Variants in AHR observed in about 807,000 individuals in gnomAD.
AHR encodes the protein aryl hydrocarbon receptor.
Under a neutral mutation model 86.8 loss-of-function variants are expected in AHR, and 40 were observed. The observed-to-expected ratio is 0.46, with a 90% CI of 0.36 to 0.60. The LOEUF (loss-of-function observed/expected upper bound fraction) is 0.60, where lower values mean the gene tolerates loss of function less well. AHR is among the 20% of genes least tolerant of loss of function. The probability of loss-of-function intolerance (pLI) is 0.00; values close to 1 mark genes in which losing one functional copy is unlikely to be tolerated. For synonymous variants in AHR, 398 were observed against 354.9 expected, an observed-to-expected ratio of 1.12 and a Z score of -1.37; for missense variants, 1,001 against 1,011.6, an observed-to-expected ratio of 0.99 and a Z score of 0.14.
Position 17,340,285 on chromosome 7 carries a change from C to A in AHR, c.2403+57C>A. 3 of 1,507,982 alleles carry A rather than the reference C, an allele frequency of 2.0e-6. No homozygotes were observed. In the East Asian group the frequency reaches 6.9e-5, roughly 35 times the overall value. 93.4% of individuals were successfully genotyped at this position (1,507,982 alleles called of 1,614,324 possible). A position where few individuals can be genotyped will look rare whatever the true frequency, so the allele number is the denominator to read the frequency against. On this transcript the variant is annotated intron_variant, in intron 10 of 10. Coordinates refer to ENST00000242057, the MANE Select transcript of AHR (RefSeq NM_001621.5). The stretch of plus-strand genomic sequence containing the variant: ...TCAGTGATTCTTTTTACCTTATAGA[C>A]ATGTTACACATTTTTTATGTCAGCT...
intron 9 of AHR, 41 bp downstream of exon 9, chr7:17,335,827 T>A: frequency 6.3e-7 from 1 of 1,577,668 alleles, no homozygotes; most frequent in South Asian, 1.2e-5. Flanking sequence ...AGTTTTGTTT[T>A]CATAAGTCCT....
chr7:17,325,709 C>T (rs1782221513), intron 3 of AHR, among the ~76,000 whole-genome samples: 1 of 152,100 alleles, frequency 6.6e-6, no homozygotes, highest in South Asian at 2.1e-4. Flanking sequence ...AACCAAATAC[C>T]ACATGTTCTC....
At chr7:17,313,045 T>TCC in intron 2 of AHR, among the ~76,000 whole-genome samples, 1 of 152,166 alleles carries the variant, frequency 6.6e-6, no homozygotes, top group Non-Finnish European at 1.5e-5. Context: ...TTTGCTTGTG[T>TCC]TATAGTGGTG....
In AHR at chr7:17,318,475, T is replaced by A. The variant is rs140860934; in HGVS notation, c.254-4026T>A. 4.7e-4 allele frequency among the ~76,000 whole-genome samples: 71 copies of A among 152,254 alleles called. 2 individuals carry two copies. Among genetic ancestry groups the A allele is most frequent in the Admixed American group, 2.2e-3 (34 of 15,264 alleles). On this transcript the variant is annotated intron_variant, in intron 2 of 10. Transcript: ENST00000242057. Reference sequence around the variant, plus strand: ...TTGTATTGTACGACTCCTTCATAGATCTTTCAATGAGGAAATAGTGGAAAT... The same window carrying A: ...TTGTATTGTACGACTCCTTCATAGAACTTTCAATGAGGAAATAGTGGAAAT...
chr7:17,317,487 C>T (rs951662381), intron 2 of AHR, among the ~76,000 whole-genome samples: 15 of 152,084 alleles, frequency 9.9e-5, no homozygotes, highest in East Asian at 7.7e-4. Flanking sequence ...TATTATTTCC[C>T]GAAGAAGTTC....
intron 4 of AHR, among the ~76,000 whole-genome samples, chr7:17,329,207 A>T (rs532095829): frequency 2.0e-5 from 3 of 152,106 alleles, no homozygotes; most frequent in African/African-American, 7.2e-5. Flanking sequence ...ACAGTGGATC[A>T]CTATCAAACT....
At chr7:17,337,791 A>G (rs931974852) in intron 9 of AHR, among the ~76,000 whole-genome samples, 1 of 151,726 alleles carries the variant, frequency 6.6e-6, no homozygotes, top group Non-Finnish European at 1.5e-5. Flanking sequence ...ACGTTTTTCT[A>G]TGACATTTTT....
intron 6 of AHR, 25 bp downstream of exon 6, chr7:17,330,911 T>C (rs1782281624): frequency 1.9e-6 from 3 of 1,605,004 alleles, no homozygotes; most frequent in African/African-American, 2.7e-5. Context: ...TTTATGATAC[T>C]GGCTTTTACT....
rs1422578986 is a variant in AHR at position 17,345,472 on chromosome 7, A to G, written c.*2408A>G. 2 of 152,690 alleles carry G rather than the reference A, an allele frequency of 1.3e-5. No individual in the cohort carries two copies. The highest frequency in any genetic ancestry group is 2.4e-5 in the African/African-American group (1 of 41,446). The allele number at this position is 152,690 out of a possible 1,614,324, so 9.5% of individuals were successfully genotyped here. On this transcript the variant is annotated 3_prime_UTR_variant, in exon 11 of 11. Coordinates refer to ENST00000242057, the MANE Select transcript of AHR (RefSeq NM_001621.5). ...AAGTGTTGGAAAAAATTTGTCTGAA[A>G]CATTTCATAATTTGTTTCCAGCATG... is the stretch of plus-strand genomic sequence containing the variant.
chr7:17,320,444 GTTGA>G (rs1782156849), intron 2 of AHR, among the ~76,000 whole-genome samples: 2 of 151,988 alleles, frequency 1.3e-5, no homozygotes, highest in African/African-American at 4.8e-5. Context: ...TATCAATTGT[GTTGA>G]TTAAATATTA....
In AHR at chr7:17,330,779, G is replaced by A. The variant is rs767353008; in HGVS notation, c.598G>A (p.Val200Ile). Residue 200 changes from valine to isoleucine, a missense_variant, in exon 6 of 11, where the codon GTA (valine) becomes ATA (isoleucine). This residue lies in a region of AHR where 394 missense variants were observed against 468.5 expected (regional missense o/e 0.84). Coordinates refer to ENST00000242057, the MANE Select transcript of AHR (RefSeq NM_001621.5). ...AGAAGCCACTGGTCTCCCCCAGACA[G>A]TAGTCTGTTATAACCCAGACCAGAT... ...IEEATGLPQT[V>I]VCYNPDQIPP... is the part of the protein sequence containing the mutation. 32 of 1,610,866 alleles carry A rather than the reference G, an allele frequency of 2.0e-5. No individual in the cohort carries two copies. In the South Asian group the frequency reaches 3.5e-4, roughly 18 times the overall value.
chr7:17,324,901 CTG>C (rs1397738546), intron 3 of AHR, among the ~76,000 whole-genome samples: 4 of 152,094 alleles, frequency 2.6e-5, no homozygotes, highest in East Asian at 1.9e-4. Context: ...ATGTGAATAA[CTG>C]TGTCTTTATT....
rs763420559 is a variant in AHR, at chr7:17,299,289, A to T, written c.25A>T (p.Thr9Ser). ...CATGAACAGCAGCAGCGCCAACATCACCTACGCCAGTCGCAAGCGGCGGAA... is the reference window on the plus strand; with the variant it reads ...CATGAACAGCAGCAGCGCCAACATCTCCTACGCCAGTCGCAAGCGGCGGAA... Reference protein sequence around the residue: MNSSSANITYASRKRRKPV... With the variant: MNSSSANISYASRKRRKPV... Residue 9 changes from threonine to serine, a missense_variant, in exon 1 of 11, where the codon ACC (threonine) becomes TCC (serine). By Grantham distance (58) the Thr-to-Ser change is moderately conservative. Around this residue, in one of 2 missense-constraint regions of AHR, gnomAD observed 394 missense variants for 468.5 expected, o/e 0.84. Transcript: ENST00000242057. 2 of 1,612,214 alleles carry T rather than the reference A, an allele frequency of 1.2e-6. No individual in the cohort carries two copies. Among genetic ancestry groups the T allele is most frequent in the Non-Finnish European group, 1.7e-6 (2 of 1,179,656 alleles).
At chr7:17,327,901 A>G (rs1451810633) in intron 4 of AHR, 53 bp downstream of exon 4, 20 of 804,616 alleles carry the variant, frequency 2.5e-5, no homozygotes, top group Non-Finnish European at 1.7e-6. Context: ...TACTTTTTAT[A>G]TATATTTAGG....
At chr7:17,335,815 A>G in intron 9 of AHR, 29 bp downstream of exon 9, 1 of 1,600,230 alleles carries the variant, frequency 6.2e-7, no homozygotes, top group Middle Eastern at 1.7e-4. Flanking sequence ...TCCTGTTTTA[A>G]CAGTTTTGTT....
intron 1 of AHR, among the ~76,000 whole-genome samples, chr7:17,302,069 GT>G (rs1467110062): frequency 3.3e-5 from 5 of 151,808 alleles, no homozygotes; most frequent in African/African-American, 1.2e-4. Flanking sequence ...TAAATAGAAT[GT>G]TTTTCCCTAG....
chr7:17,321,428 T>C (rs1404782165), intron 2 of AHR, among the ~76,000 whole-genome samples: 1 of 151,934 alleles, frequency 6.6e-6, no homozygotes, highest in East Asian at 1.9e-4. Flanking sequence ...TTTTAGTAAA[T>C]GTCAGAGGTA....
chr7:17,330,924 T>A, intron 6 of AHR, 38 bp downstream of exon 6: 1 of 1,596,532 alleles, frequency 6.3e-7, no homozygotes, highest in Non-Finnish European at 8.5e-7. Context: ...CTTTTACTAT[T>A]GTTACAATAA....
chr7:17,308,059 T>C (rs1281081974), intron 1 of AHR, among the ~76,000 whole-genome samples: 1 of 152,144 alleles, frequency 6.6e-6, no homozygotes, highest in Admixed American at 6.6e-5. Flanking sequence ...CTAAAAGTTA[T>C]ATGTTTATTT....
Sources: allele counts gnomAD v4.1 joint callset (sites outside exome capture counted in the v4.1 genomes callset), GRCh38; gene constraint gnomAD v4.1.1; regional missense constraint gnomAD v4.1.1; transcripts MANE v1.5; gene names NCBI Gene and HGNC (gene_info 2026-07-23, HGNC 2026-07-21).